Variants in NEGR1 observed in about 807,000 individuals in gnomAD.
The protein encoded by NEGR1 is IgLON family member 4.
NEGR1 carries 10 observed loss-of-function variants against 40.9 expected under a neutral mutation model. That is an observed-to-expected ratio of 0.24 (90% confidence interval 0.15 to 0.42). NEGR1 has a LOEUF of 0.42. NEGR1 is among the 10% of genes least tolerant of loss of function. NEGR1 has a pLI of 1.00. For synonymous variants in NEGR1, 185 were observed against 166.8 expected (o/e 1.11, Z -0.84); for missense variants, 352 against 438.9 (o/e 0.80, Z 1.77).
chr1:72,182,224 T>G (rs987066421), intron 1 of NEGR1, among the ~76,000 whole-genome samples: 3 of 152,190 alleles, frequency 2.0e-5, no homozygotes, highest in Non-Finnish European at 2.9e-5. Context: ...CTGGGCACAA[T>G]GGCTTTTGCC....
chr1:72,018,134 G>A (rs546980720), intron 1 of NEGR1, among the ~76,000 whole-genome samples: 6 of 152,116 alleles, frequency 3.9e-5, no homozygotes, highest in South Asian at 2.1e-4. Flanking sequence ...AATTACATAC[G>A]GTCAATATCG....
chr1:71,887,589 C>G (rs1472403733), intron 2 of NEGR1, among the ~76,000 whole-genome samples: 1 of 152,054 alleles, frequency 6.6e-6, no homozygotes, highest in Non-Finnish European at 1.5e-5. Flanking sequence ...GTGCAGTGAT[C>G]AGATTAGAGT....
At chr1:72,207,170 A>C (rs1179386387) in intron 1 of NEGR1, among the ~76,000 whole-genome samples, 1 of 151,926 alleles carries the variant, frequency 6.6e-6, no homozygotes, top group African/African-American at 2.4e-5. Context: ...TTAAAAAAAA[A>C]CAAAAGTCAA....
In NEGR1 at chr1:71,406,842, T is replaced by C. The variant is rs1431961886; in HGVS notation, c.*604A>G. ...ATATTATTGTATGAAGGCACACCCATGCTGAACTTACAGGAAAGAGAAGCA... is the reference window on the plus strand; with the variant it reads ...ATATTATTGTATGAAGGCACACCCACGCTGAACTTACAGGAAAGAGAAGCA... On this transcript the variant is annotated 3_prime_UTR_variant, in exon 7 of 7. Transcript: ENST00000357731. 6.6e-6 allele frequency: 1 copy of C among 152,472 alleles called. No homozygotes were observed. Among genetic ancestry groups the C allele is most frequent in the Non-Finnish European group, 1.5e-5 (1 of 67,936 alleles). 9.4% of individuals were successfully genotyped at this position (152,472 alleles called of 1,614,324 possible).
At chr1:72,235,421 A>G (rs549459062) in intron 1 of NEGR1, among the ~76,000 whole-genome samples, 21 of 152,206 alleles carry the variant, frequency 1.4e-4, no homozygotes, top group African/African-American at 5.1e-4. Flanking sequence ...AAGGGCGGAA[A>G]GATTTGCATT....
At chr1:71,498,469 C>T (rs1646979672) in intron 6 of NEGR1, among the ~76,000 whole-genome samples, 1 of 151,970 alleles carries the variant, frequency 6.6e-6, no homozygotes, top group African/African-American at 2.4e-5. Context: ...AGAGGTGTAG[C>T]AATATAAGTA....
intron 1 of NEGR1, among the ~76,000 whole-genome samples, chr1:72,115,392 A>T (rs188934534): frequency 1.7e-4 from 26 of 151,784 alleles, no homozygotes; most frequent in Non-Finnish European, 3.0e-4. Context: ...TATTAGTGTT[A>T]TATCTCTCTT....
chr1:71,969,051 G>C (rs1646234951), intron 1 of NEGR1, among the ~76,000 whole-genome samples: 1 of 151,352 alleles, frequency 6.6e-6, no homozygotes, highest in African/African-American at 2.4e-5. Context: ...TTTCGCTCTT[G>C]TTGCCCAGGC....
intron 1 of NEGR1, among the ~76,000 whole-genome samples, chr1:72,205,492 G>A (rs1472422965): frequency 6.7e-6 from 1 of 149,960 alleles, no homozygotes; most frequent in Non-Finnish European, 1.5e-5. Flanking sequence ...ACTGGAATTA[G>A]AACATGAAAC....
At chr1:71,600,227 G>T (rs889153360) in intron 5 of NEGR1, among the ~76,000 whole-genome samples, 1 of 152,156 alleles carries the variant, frequency 6.6e-6, no homozygotes, top group African/African-American at 2.4e-5. Flanking sequence ...TTAGTAAAAG[G>T]CTATAACGCA....
At chr1:71,634,563 C>A (rs1344054730) in intron 4 of NEGR1, among the ~76,000 whole-genome samples, 1 of 152,068 alleles carries the variant, frequency 6.6e-6, no homozygotes. Flanking sequence ...TCCTGAGTTC[C>A]TAAATAGGTA....
intron 6 of NEGR1, among the ~76,000 whole-genome samples, chr1:71,558,084 A>G (rs2101476624): frequency 6.6e-6 from 1 of 151,636 alleles, no homozygotes; most frequent in East Asian, 2.0e-4. Flanking sequence ...GATAGATTAC[A>G]TTAATGTGTC....
At chr1:71,888,443 A>C (rs2101851044) in intron 2 of NEGR1, among the ~76,000 whole-genome samples, 1 of 152,034 alleles carries the variant, frequency 6.6e-6, no homozygotes, top group African/African-American at 2.4e-5. Flanking sequence ...TCCGAGTCAA[A>C]GAAAGGGGTG....
intron 1 of NEGR1, among the ~76,000 whole-genome samples, chr1:72,148,445 C>A (rs1448970600): frequency 1.3e-5 from 2 of 151,920 alleles, no homozygotes; most frequent in Non-Finnish European, 2.9e-5. Flanking sequence ...AGACATTTTC[C>A]CCATGGTGTT....
At chr1:71,959,885 A>C (rs931989569) in intron 1 of NEGR1, among the ~76,000 whole-genome samples, 13 of 152,184 alleles carry the variant, frequency 8.5e-5, no homozygotes, top group African/African-American at 3.1e-4. Flanking sequence ...AACGTTGTTA[A>C]ATAAATAAGA....
intron 2 of NEGR1, among the ~76,000 whole-genome samples, chr1:71,822,838 C>T (rs1658480514): frequency 6.6e-6 from 1 of 151,966 alleles, no homozygotes; most frequent in Admixed American, 6.6e-5. Context: ...CATGAATGGA[C>T]TTATGACTAC....
At chr1:71,612,411 T>G (rs1327331587) in intron 4 of NEGR1, among the ~76,000 whole-genome samples, 1 of 150,638 alleles carries the variant, frequency 6.6e-6, no homozygotes, top group Admixed American at 6.6e-5. Flanking sequence ...TAGCATAACT[T>G]TTTTTTTTAT....
intron 2 of NEGR1, among the ~76,000 whole-genome samples, chr1:71,827,617 A>T (rs1658680553): frequency 1.3e-5 from 2 of 151,944 alleles, no homozygotes; most frequent in African/African-American, 4.8e-5. Flanking sequence ...AAAATACAGA[A>T]ATTACAAACA....
In NEGR1 at chr1:71,865,406, TA is replaced by T. The variant is rs367844456; in HGVS notation, c.409+69672del. Among the ~76,000 whole-genome samples the T allele has an allele frequency of 5.3e-3, 808 of 152,122 alleles. 7 individuals are homozygous for T. Among genetic ancestry groups the T allele is most frequent in the African/African-American group, 0.019 (776 of 41,510 alleles). On this transcript the variant is annotated intron_variant, in intron 2 of 6. Transcript: ENST00000357731. Reference sequence around the variant, plus strand: ...TACACCATGGAATACTACGCAGTCATAAAAAAGGATGAGTTCATGTCCTTTG... The same window carrying T: ...TACACCATGGAATACTACGCAGTCATAAAAAGGATGAGTTCATGTCCTTTG...
Sources: gnomAD v4.1 joint callset for allele counts (sites outside exome capture counted in the v4.1 genomes callset) on GRCh38, gnomAD v4.1.1 for gene constraint, MANE v1.5 for transcripts, NCBI Gene and HGNC (gene_info 2026-07-23, HGNC 2026-07-21) for gene names.